TECPR2: variants seen among roughly 807,000 people sequenced by gnomAD.
TECPR2 encodes tectonin beta-propeller repeat-containing protein 2.
TECPR2 carries 65 observed loss-of-function variants against 138.1 expected under a neutral mutation model. That is an observed-to-expected ratio of 0.47 (90% CI 0.39 to 0.58). TECPR2 has a LOEUF of 0.58. Ranked by LOEUF, TECPR2 falls within the 20% of genes least tolerant of loss-of-function variation. The probability of loss-of-function intolerance (pLI) is 0.00; values close to 1 mark genes in which losing one functional copy is unlikely to be tolerated. For synonymous variants in TECPR2, 746 were observed against 749.8 expected (o/e 0.99, Z 0.08); for missense variants, 1,553 against 1,824.5 (o/e 0.85, Z 2.71).
At position 102,497,303 on chromosome 14, in the gene TECPR2, G is replaced by A. The variant is rs2236349; in HGVS notation, c.3931+183G>A. 0.27 allele frequency among the ~76,000 whole-genome samples: 40,511 copies of A among 152,166 alleles called. 5,803 individuals are homozygous for A. Among genetic ancestry groups the A allele is most frequent in the East Asian group, 0.5 (2,560 of 5,158 alleles). On this transcript the variant is annotated intron_variant, in intron 18 of 19. Coordinates refer to ENST00000359520, the MANE Select transcript of TECPR2 (RefSeq NM_014844.5). ...TCATGTTCCTTATCAGGGGAACCCA[G>A]GCCGTCCTGCTGGTGCTTTTGTGGG... is the stretch of plus-strand genomic sequence containing the variant.
intron 6 of TECPR2, among the ~76,000 whole-genome samples, chr14:102,426,931 A>C (rs1198733346): frequency 6.6e-6 from 1 of 152,232 alleles, no homozygotes; most frequent in African/African-American, 2.4e-5. Context: ...CTCCTCATTG[A>C]AGTTTTATGA....
intron 2 of TECPR2, among the ~76,000 whole-genome samples, chr14:102,385,305 A>G (rs1056034455): frequency 4.6e-5 from 7 of 152,100 alleles, no homozygotes; most frequent in African/African-American, 1.7e-4. Context: ...GCATTAATCT[A>G]TTCATGAGGG....
At chr14:102,479,048 A>T in intron 17 of TECPR2, among the ~76,000 whole-genome samples, 1 of 151,816 alleles carries the variant, frequency 6.6e-6, no homozygotes, top group East Asian at 1.9e-4. Context: ...AAAAAAAAGG[A>T]AATGATTGAA....
At chr14:102,453,085 C>T (rs1890188980) in intron 16 of TECPR2, among the ~76,000 whole-genome samples, 1 of 152,202 alleles carries the variant, frequency 6.6e-6, no homozygotes, top group Non-Finnish European at 1.5e-5. Context: ...TGCTAGCTCT[C>T]CTTCAGCTCA....
chr14:102,391,220 A>G (rs141005416), intron 2 of TECPR2, among the ~76,000 whole-genome samples: 5,717 of 152,004 alleles, frequency 0.038, 121 homozygotes, highest in Middle Eastern at 0.088. Flanking sequence ...ACCACGCCCA[A>G]CCAATTTTTT....
intron 8 of TECPR2, 119 bp downstream of exon 8, chr14:102,432,247 A>C: frequency 9.5e-7 from 1 of 1,054,312 alleles, no homozygotes; most frequent in Non-Finnish European, 1.3e-6. Flanking sequence ...GAACACATAC[A>C]TTTCTTCCCC....
intron 10 of TECPR2, 57 bp from the exon 11 acceptor site, chr14:102,440,379 G>T (rs1359668976): frequency 2.5e-6 from 4 of 1,585,290 alleles, no homozygotes; most frequent in Non-Finnish European, 3.4e-6. Flanking sequence ...GAAGACTTTT[G>T]TATAGAAATA....
At chr14:102,487,902 C>G (rs1399196617) in intron 17 of TECPR2, among the ~76,000 whole-genome samples, 5 of 144,980 alleles carry the variant, frequency 3.4e-5, no homozygotes, top group Non-Finnish European at 7.5e-5. Context: ...AGTGCAATGG[C>G]GCGATCTCGG....
intron 2 of TECPR2, among the ~76,000 whole-genome samples, chr14:102,401,736 C>G (rs185844050): frequency 1.7e-4 from 22 of 132,128 alleles, no homozygotes; most frequent in Admixed American, 1.3e-3. Context: ...ACCCGGGAGG[C>G]AGAGCTTGCA....
intron 1 of TECPR2, among the ~76,000 whole-genome samples, chr14:102,374,071 CAAAAA>C (rs953998203): frequency 5.3e-5 from 3 of 56,082 alleles, no homozygotes; most frequent in Admixed American, 1.9e-4. Flanking sequence ...GATTCTGTCT[CAAAAA>C]AAAAAAAAAA....
chr14:102,396,314 G>A (rs934324511), intron 2 of TECPR2, among the ~76,000 whole-genome samples: 2 of 152,132 alleles, frequency 1.3e-5, no homozygotes, highest in Middle Eastern at 3.4e-3. Context: ...TGTTGGCCAG[G>A]CTGGTCTTGA....
intron 2 of TECPR2, among the ~76,000 whole-genome samples, chr14:102,393,644 C>T (rs546251878): frequency 6.6e-5 from 10 of 152,218 alleles, no homozygotes; most frequent in South Asian, 2.1e-4. Context: ...CTGCAACCTC[C>T]GCCTCCCAGG....
intron 17 of TECPR2, among the ~76,000 whole-genome samples, chr14:102,490,152 G>C (rs4906208): frequency 0.71 from 107,560 of 152,110 alleles, 38,796 homozygotes; most frequent in African/African-American, 0.85. Context: ...ACCTTCCTTG[G>C]TCACTGTGAG....
At chr14:102,399,338 GA>G (rs1255386476) in intron 2 of TECPR2, among the ~76,000 whole-genome samples, 2 of 152,134 alleles carry the variant, frequency 1.3e-5, no homozygotes, top group Non-Finnish European at 2.9e-5. Flanking sequence ...GTGTTAAAAA[GA>G]AAGAAGACCT....
At chr14:102,370,175 G>A (rs1309794867) in intron 1 of TECPR2, among the ~76,000 whole-genome samples, 4 of 151,924 alleles carry the variant, frequency 2.6e-5, no homozygotes, top group East Asian at 3.9e-4. Context: ...GGGTTCAAGC[G>A]ATTCTCCTGC....
chr14:102,465,549 T>C (rs1567353980), intron 17 of TECPR2: 2 of 1,178,714 alleles, frequency 1.7e-6, no homozygotes, highest in East Asian at 8.2e-5. Context: ...TATTTCGTTT[T>C]TGACTTTTTA....
intron 2 of TECPR2, among the ~76,000 whole-genome samples, chr14:102,394,479 G>T (rs1888262605): frequency 6.6e-6 from 1 of 152,132 alleles, no homozygotes; most frequent in African/African-American, 2.4e-5. Context: ...GCACACACTT[G>T]TATTCCCAGC....
At chr14:102,469,858 G>A (rs1013690679) in intron 17 of TECPR2, among the ~76,000 whole-genome samples, 2 of 151,952 alleles carry the variant, frequency 1.3e-5, no homozygotes, top group African/African-American at 4.8e-5. Context: ...ATGGTCATCT[G>A]GTTTTTTTCC....
chr14:102,450,225 C>T (rs939240871), intron 14 of TECPR2, among the ~76,000 whole-genome samples: 1 of 152,134 alleles, frequency 6.6e-6, no homozygotes, highest in African/African-American at 2.4e-5. Context: ...AGGTGATCGC[C>T]ACTGTTGGAA....
Sources: allele counts gnomAD v4.1 joint callset (sites outside exome capture counted in the v4.1 genomes callset), GRCh38; gene constraint gnomAD v4.1.1; transcripts MANE v1.5; gene names NCBI Gene and HGNC (gene_info 2026-07-23, HGNC 2026-07-21).